The following FGF13 variants were observed in gnomAD, a reference collection of about 807,000 sequenced individuals.
FGF13 encodes fibroblast growth factor homologous factor 2.
Under a neutral mutation model 19.5 loss-of-function variants are expected in FGF13, and 2 were observed. The ratio of observed to expected loss-of-function variants is 0.10; its 90% CI spans 0.04 to 0.32. The LOEUF is 0.32. Among genes scored for constraint, FGF13 ranks in the 10% least tolerant of loss-of-function variants. FGF13 has a pLI of 1.00. For missense variants in FGF13, 113 were observed against 192.7 expected (o/e 0.59, Z 2.45); for synonymous variants, 72 against 76.9 (o/e 0.94, Z 0.33).
intron 1 of FGF13, among the ~76,000 whole-genome samples, chrX:139,111,213 C>T (rs1206122764): frequency 8.9e-6 from 1 of 111,821 alleles, no homozygotes; most frequent in African/African-American, 3.3e-5. Context: ...TTTCAGGCGA[C>T]CATGAGGAGA....
intron 1 of FGF13, among the ~76,000 whole-genome samples, chrX:139,147,401 C>G (rs73568115): frequency 0.082 from 9,008 of 110,519 alleles, 271 homozygotes; most frequent in African/African-American, 0.093. Flanking sequence ...CTTAAAGCAC[C>G]AAGCCCATCA....
Position 138,624,746 on chromosome X carries a change from C to T in FGF13, c.*8104G>A, listed in dbSNP as rs943524922. ...AATACAAAAACTGAGGTGGGAGGAT[C>T]ACCTGATCCTGGGGAGGTCAAGGCT... On this transcript the variant is annotated 3_prime_UTR_variant, in exon 5 of 5. Transcript: ENST00000315930. The T allele has an allele frequency of 1.8e-5, 2 of 110,901 alleles. No homozygotes were observed. The highest frequency in any genetic ancestry group is 1.9e-4 in the Admixed American group (2 of 10,451). 9.1% of individuals were successfully genotyped at this position (110,901 alleles called of 1,213,427 possible).
At chrX:139,189,944 C>T (rs983196979) in intron 1 of FGF13, among the ~76,000 whole-genome samples, 1 of 111,955 alleles carries the variant, frequency 8.9e-6, no homozygotes, top group Non-Finnish European at 1.9e-5. Flanking sequence ...TCCAAGAAAA[C>T]ATGATTGGGG....
At chrX:139,070,989 G>A in intron 1 of FGF13, among the ~76,000 whole-genome samples, 1 of 108,848 alleles carries the variant, frequency 9.2e-6, no homozygotes, top group Admixed American at 9.7e-5. Flanking sequence ...GCCTACTGGG[G>A]GGTGGAGGAG....
At chrX:138,951,580 G>T (rs2091812582) in intron 1 of FGF13, among the ~76,000 whole-genome samples, 1 of 111,393 alleles carries the variant, frequency 9.0e-6, no homozygotes, top group South Asian at 3.8e-4. Context: ...ATAGGTAAAA[G>T]ACTTGAACAG....
At chrX:138,865,473 CCT>C (rs1197850890) in intron 1 of FGF13, among the ~76,000 whole-genome samples, 4 of 64,420 alleles carry the variant, frequency 6.2e-5, no homozygotes, top group South Asian at 1.6e-3. Flanking sequence ...CTCTCTCTCT[CCT>C]CTCTCTCTCT....
chrX:138,983,613 G>A (rs1378558829), intron 1 of FGF13, among the ~76,000 whole-genome samples: 1 of 108,587 alleles, frequency 9.2e-6, no homozygotes, highest in Admixed American at 1.0e-4. Flanking sequence ...ATGGAAATCA[G>A]TATTGAGGTT....
chrX:138,834,387 G>A (rs2124095172), intron 3 of FGF13, among the ~76,000 whole-genome samples: 1 of 111,071 alleles, frequency 9.0e-6, no homozygotes, highest in South Asian at 3.9e-4. Context: ...GAGGGTGTAT[G>A]TGTCCAGGAA....
intron 1 of FGF13, among the ~76,000 whole-genome samples, chrX:139,114,990 A>T (rs1603207075): frequency 8.9e-6 from 1 of 112,160 alleles, no homozygotes; most frequent in South Asian, 3.7e-4. Flanking sequence ...ATACATTTTC[A>T]TGTTAAGTCT....
chrX:139,173,776 C>T (rs1228926815), intron 1 of FGF13, among the ~76,000 whole-genome samples: 1 of 111,847 alleles, frequency 8.9e-6, no homozygotes, highest in Non-Finnish European at 1.9e-5. Flanking sequence ...TGTATATGTG[C>T]CACATTTTCT....
chrX:138,939,990 G>A (rs764126656), intron 1 of FGF13, among the ~76,000 whole-genome samples: 9 of 111,730 alleles, frequency 8.1e-5, no homozygotes, highest in East Asian at 2.8e-4. Context: ...TTGAGACATC[G>A]CCATACTGCT....
chrX:139,086,053 A>G, intron 1 of FGF13, among the ~76,000 whole-genome samples: 1 of 112,651 alleles, frequency 8.9e-6, no homozygotes, highest in Middle Eastern at 4.6e-3. Context: ...CCTGGATAAC[A>G]TGAACTTAGT....
intron 3 of FGF13, among the ~76,000 whole-genome samples, chrX:138,777,957 G>C (rs146680892): frequency 1.9e-3 from 213 of 111,408 alleles, no homozygotes; most frequent in African/African-American, 6.7e-3. Flanking sequence ...AGATGACTTA[G>C]ATGTTAGCAT....
intron 1 of FGF13, among the ~76,000 whole-genome samples, chrX:139,048,192 T>C (rs2092293830): frequency 9.0e-6 from 1 of 111,408 alleles, no homozygotes; most frequent in Non-Finnish European, 1.9e-5. Flanking sequence ...GAAGCAGTTC[T>C]ATTTTTATTT....
chrX:138,652,134 T>C (rs1005779938), intron 3 of FGF13, among the ~76,000 whole-genome samples: 1 of 111,268 alleles, frequency 9.0e-6, no homozygotes, highest in Non-Finnish European at 1.9e-5. Context: ...CTTCCAAGCT[T>C]GTCCCTTTAA....
At position 138,642,894 on chromosome X, in the gene FGF13, T is replaced by C. The variant is rs149048334; in HGVS notation, c.403-7239A>G. The stretch of plus-strand genomic sequence containing the variant: ...ACAAAATGACTTAAAAATACACAGG[T>C]TAATTAGCAACGATTTCTAAAGAAA... On this transcript the variant is annotated intron_variant, in intron 3 of 4. Coordinates refer to ENST00000315930, the MANE Select transcript of FGF13 (RefSeq NM_004114.5). 4.0e-4 allele frequency among the ~76,000 whole-genome samples: 45 copies of C among 112,359 alleles called. No individual in the cohort carries two copies. In the East Asian group the frequency reaches 0.013, roughly 31 times the overall value.
chrX:138,967,535 C>A (rs1195739431), intron 1 of FGF13, among the ~76,000 whole-genome samples: 1 of 110,994 alleles, frequency 9.0e-6, no homozygotes, highest in Non-Finnish European at 1.9e-5. Context: ...GACAAGGAGG[C>A]TACAGCAAAG....
intron 1 of FGF13, among the ~76,000 whole-genome samples, chrX:138,919,984 T>C (rs2091636606): frequency 9.0e-6 from 1 of 111,142 alleles, no homozygotes; most frequent in Non-Finnish European, 1.9e-5. Context: ...TTCTGTGTAT[T>C]TGTTTGCAAT....
intron 1 of FGF13, among the ~76,000 whole-genome samples, chrX:139,088,714 T>C (rs1275914937): frequency 9.0e-6 from 1 of 111,503 alleles, no homozygotes; most frequent in African/African-American, 3.3e-5. Context: ...CACATTTTTT[T>C]TTCCACAGTG....
Sources: gnomAD v4.1 joint callset for allele counts (sites outside exome capture counted in the v4.1 genomes callset) on GRCh38, gnomAD v4.1.1 for gene constraint, MANE v1.5 for transcripts, NCBI Gene and HGNC (gene_info 2026-07-23, HGNC 2026-07-21) for gene names.